NMRK2: variants seen among roughly 807,000 people sequenced by gnomAD.
NMRK2 encodes the protein nicotinamide riboside kinase 2.
Under a neutral mutation model 24.7 loss-of-function variants are expected in NMRK2, and 34 were observed. The ratio of observed to expected loss-of-function variants is 1.37; its 90% CI spans 1.05 to 1.83. NMRK2 has a LOEUF of 1.83. Among genes scored for constraint, NMRK2 ranks in the 40% most tolerant of loss-of-function variants. The pLI, the probability that NMRK2 is intolerant of heterozygous loss-of-function variation, is 0.00. For missense variants in NMRK2, 341 were observed against 315.0 expected, an observed-to-expected ratio of 1.08 and a Z score of -0.62; for synonymous variants, 145 against 125.6, an observed-to-expected ratio of 1.15 and a Z score of -1.03.
rs1156342609 is a variant in NMRK2 at position 3,938,667 on chromosome 19, G to C, written c.231G>C (p.Gln77His). The stretch of plus-strand genomic sequence containing the variant: ...TGCAGGCCTGGCTGAGCAGCCCGCA[G>C]AAGTTTGCCCGTGCCCACGGGGTCA... ...DTVQAWLSSP[Q>H]KFARAHGVSV... The change falls in exon 5 of 8, where the codon CAG becomes CAC. Residue 77 changes from glutamine (Q) to histidine (H), a missense_variant. Physicochemically the swap from Gln to His is conservative, Grantham distance 24 (BLOSUM62 0). Transcript: ENST00000168977. 6.2e-7 allele frequency: 1 copy of C among 1,612,746 alleles called. No individual in the cohort carries two copies. Among genetic ancestry groups the C allele is most frequent in the South Asian group, 1.1e-5 (1 of 90,986 alleles).
chr19:3,939,044 C>A (rs2039278330), intron 5 of NMRK2, among the ~76,000 whole-genome samples: 1 of 151,450 alleles, frequency 6.6e-6, no homozygotes, highest in South Asian at 2.1e-4. Context: ...GACTGGGTTT[C>A]ACCCTATTGG....
chr19:3,942,040 C>T, intron 7 of NMRK2, 43 bp from the exon 8 acceptor site: 2 of 1,568,118 alleles, frequency 1.3e-6, no homozygotes, highest in Non-Finnish European at 1.8e-6. Flanking sequence ...GTGCTCTGGC[C>T]CCCTTCCTCC....
At chr19:3,934,200 T>C (rs1417090675) in intron 2 of NMRK2, among the ~76,000 whole-genome samples, 1 of 151,982 alleles carries the variant, frequency 6.6e-6, no homozygotes, top group Non-Finnish European at 1.5e-5. Flanking sequence ...GTGAGTGCGA[T>C]CATGCCACTT....
In NMRK2 at chr19:3,942,363, C is replaced by A; in HGVS notation, c.*90C>A. On this transcript the variant is annotated 3_prime_UTR_variant, in exon 8 of 8. Transcript: ENST00000168977. The stretch of plus-strand genomic sequence containing the variant: ...GGAGCTCAGGGACTGAGCCCCAAGA[C>A]GCCTCTGTAACCTCGCTGCAGCTTC... The A allele has an allele frequency of 1.6e-6, 2 of 1,239,992 alleles. No individual in the cohort carries two copies. The highest frequency in any genetic ancestry group is 1.1e-6 in the Non-Finnish European group (1 of 898,576). 76.8% of individuals were successfully genotyped at this position (1,239,992 alleles called of 1,614,324 possible).
In NMRK2 at chr19:3,938,725, C is replaced by T; in HGVS notation, c.289C>T (p.Leu97Phe). The T allele has an allele frequency of 6.2e-7, 1 of 1,609,868 alleles. No homozygotes were observed. The highest frequency in any genetic ancestry group is 8.5e-7 in the Non-Finnish European group (1 of 1,178,110). Residue 97 changes from leucine to phenylalanine, a missense_variant, in exon 5 of 8, where the codon CTC (leucine) becomes TTC (phenylalanine). Leu to Phe is a conservative substitution (Grantham distance 22). Transcript: ENST00000168977. Reference protein sequence around the residue: ...VQPEASDTHILLLEGFLLYSY... With the variant: ...VQPEASDTHIFLLEGFLLYSY... ...GCCAGAGGCCTCGGACACCCACATC[C>T]TCCTCCTGGAAGGCTTCCTGCTCTA...
chr19:3,934,635 G>GC (rs1439016673), intron 2 of NMRK2, among the ~76,000 whole-genome samples: 2 of 151,698 alleles, frequency 1.3e-5, no homozygotes, highest in African/African-American at 4.8e-5. Flanking sequence ...AGGCTGGAGT[G>GC]CAGTGGTGTG....
At chr19:3,934,598 TGA>T (rs2039181145) in intron 2 of NMRK2, among the ~76,000 whole-genome samples, 1 of 151,676 alleles carries the variant, frequency 6.6e-6, no homozygotes, top group South Asian at 2.1e-4. Context: ...CGTCGTAGTT[TGA>T]GACAGAGTCT....
intron 2 of NMRK2, among the ~76,000 whole-genome samples, chr19:3,935,849 G>A (rs1171626442): frequency 6.6e-6 from 1 of 152,016 alleles, no homozygotes; most frequent in African/African-American, 2.4e-5. Flanking sequence ...GGGATTACAG[G>A]CATGAGCCAC....
At position 3,936,587 on chromosome 19, in the gene NMRK2, C is replaced by T. The variant is rs139991507; in HGVS notation, c.39C>T (p.Gly13=). The T allele has an allele frequency of 1.3e-5, 21 of 1,559,784 alleles. No homozygotes were observed. The highest frequency in any genetic ancestry group is 9.5e-5 in the African/African-American group (7 of 73,736). ...LIVGIGGMTN[G]GKTTLTNSLL... ...GCTGTCTCCCCAGCATGACCAACGGCGGCAAGACCACGCTGACCAACAGCC... is the reference window on the plus strand; with the variant it reads ...GCTGTCTCCCCAGCATGACCAACGGTGGCAAGACCACGCTGACCAACAGCC... Residue 13 remains glycine (G), a synonymous_variant, in exon 3 of 8, where the codon GGC becomes GGT. Transcript: ENST00000168977.
rs1408280814 is a variant in NMRK2, at chr19:3,936,599, G to A, written c.51G>A (p.Thr17=). The change falls in exon 3 of 8, where the codon ACG becomes ACA. Residue 17 remains threonine (T), a synonymous_variant. Transcript: ENST00000168977. ...GCATGACCAACGGCGGCAAGACCAC[G>A]CTGACCAACAGCCTGCTCAGAGCCC... ...IGGMTNGGKT[T]LTNSLLRALP... 12 of 1,567,228 alleles carry A rather than the reference G, an allele frequency of 7.7e-6. No individual in the cohort carries two copies. The highest frequency in any genetic ancestry group is 1.2e-5 in the South Asian group (1 of 85,322).
chr19:3,937,830 C>G (rs1419822733), intron 4 of NMRK2, among the ~76,000 whole-genome samples: 2 of 113,186 alleles, frequency 1.8e-5, no homozygotes, highest in African/African-American at 3.4e-5. Flanking sequence ...ACTGTCCCCC[C>G]GGGGTCCGCC....
chr19:3,934,565 T>TGG (rs1354171173), intron 2 of NMRK2, among the ~76,000 whole-genome samples: 1,352 of 132,720 alleles, frequency 0.01, 16 homozygotes, highest in Middle Eastern at 0.046. Flanking sequence ...TTTTTTTTTT[T>TGG]GGGGGGGGGG....
At chr19:3,940,884 G>C (rs1197589916) in intron 6 of NMRK2, among the ~76,000 whole-genome samples, 187 bp from the exon 7 acceptor site, 1 of 152,176 alleles carries the variant, frequency 6.6e-6, no homozygotes, top group Non-Finnish European at 1.5e-5. Context: ...CCTGTCCAGG[G>C]CATCTCCCGG....
intron 6 of NMRK2, among the ~76,000 whole-genome samples, chr19:3,940,776 G>A (rs2039318074): frequency 6.6e-6 from 1 of 151,390 alleles, no homozygotes; most frequent in African/African-American, 2.4e-5. Context: ...CTGGACACGG[G>A]CCACATCCCA....
At chr19:3,941,336 G>A (rs578156628) in intron 7 of NMRK2, among the ~76,000 whole-genome samples, 159 bp downstream of exon 7, 5 of 148,424 alleles carry the variant, frequency 3.4e-5, no homozygotes, top group South Asian at 4.2e-4. Flanking sequence ...TGCAACCTCC[G>A]CCTCCCAGGT....
In NMRK2 at chr19:3,942,168, G is replaced by A; in HGVS notation, c.588G>A (p.Gln196=). The change falls in exon 8 of 8, where the codon CAG becomes CAA. Residue 196 remains glutamine (Q), a synonymous_variant. Transcript: ENST00000168977. ...DIQNSLLNRS[Q]ESAPSPARPA... ...AGAACTCGCTGCTGAACCGCTCCCA[G>A]GAATCAGCCCCCTCCCCGGCTCGCC... 1 of 1,613,350 alleles carries A rather than the reference G, an allele frequency of 6.2e-7. No homozygotes were observed. Among genetic ancestry groups the A allele is most frequent in the South Asian group, 1.1e-5 (1 of 91,086 alleles).
chr19:3,939,363 A>C (rs990314361), intron 5 of NMRK2, among the ~76,000 whole-genome samples: 20 of 151,204 alleles, frequency 1.3e-4, no homozygotes, highest in African/African-American at 4.6e-4. Context: ...AAATACAAAA[A>C]ATTAGCCAGG....
In NMRK2 at chr19:3,938,839, T is replaced by C. The variant is rs28622882; in HGVS notation, c.323+80T>C. ...CATCTCTTGTTTTTTTTTTTTTTTT[T>C]TTTTGTTTTGTTTTTTTTTTTTTTT... On this transcript the variant is annotated intron_variant, in intron 5 of 7. Coordinates refer to ENST00000168977, the MANE Select transcript of NMRK2 (RefSeq NM_170678.3). 5 of 473,716 alleles carry C rather than the reference T, an allele frequency of 1.1e-5. No individual in the cohort carries two copies. In the African/African-American group the frequency reaches 1.9e-4, roughly 18 times the overall value. The allele number at this position is 473,716 out of a possible 1,614,324, so 29.3% of individuals were successfully genotyped here.
Position 3,941,151 on chromosome 19 carries a change from A to G in NMRK2, c.476A>G (p.Glu159Gly), listed in dbSNP as rs1272482996. The change falls in exon 7 of 8, where the codon GAG becomes GGG. Residue 159 changes from glutamate to glycine, a missense_variant. By Grantham distance (98) the Glu-to-Gly change is moderately conservative. Coordinates refer to ENST00000168977, the MANE Select transcript of NMRK2 (RefSeq NM_170678.3). ...VWPMYQKYRQ[E>G]MEANGVEVVY... is the part of the protein sequence containing the mutation. ...CCCATGTACCAGAAGTATAGGCAGG[A>G]GATGGAGGCCAACGGTGTGGAAGTG... 7.2e-7 allele frequency: 1 copy of G among 1,391,946 alleles called. No homozygotes were observed. The highest frequency in any genetic ancestry group is 1.9e-5 in the Admixed American group (1 of 52,462). 86.2% of individuals were successfully genotyped at this position (1,391,946 alleles called of 1,614,324 possible). A position where few individuals can be genotyped will look rare whatever the true frequency, so the allele number is the denominator to read the frequency against.
Sources: gnomAD v4.1 joint callset for allele counts (sites outside exome capture counted in the v4.1 genomes callset) on GRCh38, gnomAD v4.1.1 for gene constraint, MANE v1.5 for transcripts, NCBI Gene and HGNC (gene_info 2026-07-23, HGNC 2026-07-21) for gene names.